The following FOXN2 variants were observed in gnomAD, a reference collection of about 807,000 sequenced individuals.
The protein encoded by FOXN2 is forkhead box protein N2.
A neutral mutation model predicts 41.2 loss-of-function variants in FOXN2; 19 were observed. That is an observed-to-expected ratio of 0.46 (90% confidence interval 0.32 to 0.68). FOXN2 has a LOEUF of 0.68. Ranked by LOEUF, FOXN2 falls within the 30% of genes least tolerant of loss-of-function variation. The pLI is 0.03. For synonymous variants in FOXN2, 195 were observed against 176.8 expected (o/e 1.10, Z -0.82); for missense variants, 587 against 509.4 (o/e 1.15, Z -1.47).
chr2:48,357,712 A>G (rs1030342422), intron 3 of FOXN2, among the ~76,000 whole-genome samples: 1 of 152,078 alleles, frequency 6.6e-6, no homozygotes, highest in African/African-American at 2.4e-5. Context: ...CTAGGATTAC[A>G]GACGTGAGCC....
At chr2:48,354,525 A>T (rs932888708) in intron 3 of FOXN2, among the ~76,000 whole-genome samples, 1 of 152,184 alleles carries the variant, frequency 6.6e-6, no homozygotes, top group Non-Finnish European at 1.5e-5. Context: ...ACTTGAACCC[A>T]GGAGGCAGAG....
rs1673273181 is a variant in FOXN2, at chr2:48,376,680, G to C, written c.*1237G>C. On this transcript the variant is annotated 3_prime_UTR_variant, in exon 7 of 7. Coordinates refer to ENST00000340553, the MANE Select transcript of FOXN2 (RefSeq NM_002158.4). ...ACTAAGTATCTTAACTATTTGAACA[G>C]TCTGCTTATATGAGACAGTTTTTCA... 1.3e-5 allele frequency: 2 copies of C among 152,458 alleles called. 1 individual carries two copies. Among genetic ancestry groups the C allele is most frequent in the African/African-American group, 4.8e-5 (2 of 41,430 alleles). The allele number at this position is 152,458 out of a possible 1,614,324, so 9.4% of individuals were successfully genotyped here.
chr2:48,323,082 C>T (rs1293199528), intron 1 of FOXN2, among the ~76,000 whole-genome samples: 1 of 151,742 alleles, frequency 6.6e-6, no homozygotes, highest in African/African-American at 2.4e-5. Flanking sequence ...GCTTACTTTC[C>T]CCAAAGTGTA....
At position 48,377,639 on chromosome 2, in the gene FOXN2, A is replaced by T. The variant is rs933379882; in HGVS notation, c.*2196A>T. 3 of 152,062 alleles carry T rather than the reference A, an allele frequency of 2.0e-5. No individual in the cohort carries two copies. Among genetic ancestry groups the T allele is most frequent in the Non-Finnish European group, 2.9e-5 (2 of 67,916 alleles). 9.4% of individuals were successfully genotyped at this position (152,062 alleles called of 1,614,324 possible). ...TCCTTTTTATTCACTCTTCCCACGA[A>T]TTTAAATGTTTAAGTTATATTCATC... On this transcript the variant is annotated 3_prime_UTR_variant, in exon 7 of 7. Coordinates refer to ENST00000340553, the MANE Select transcript of FOXN2 (RefSeq NM_002158.4).
intron 3 of FOXN2, among the ~76,000 whole-genome samples, chr2:48,357,822 A>C (rs900348085): frequency 6.7e-6 from 1 of 149,848 alleles, no homozygotes; most frequent in Non-Finnish European, 1.5e-5. Context: ...AAGAAGTTTC[A>C]TTTAATCCAA....
intron 5 of FOXN2, among the ~76,000 whole-genome samples, chr2:48,367,873 G>T (rs534133648): frequency 6.6e-6 from 1 of 151,968 alleles, no homozygotes; most frequent in Non-Finnish European, 1.5e-5. Context: ...ATGGTGTCTC[G>T]CTCTGTCAAC....
At position 48,375,185 on chromosome 2, in the gene FOXN2, A is replaced by C. The variant is rs1391314092; in HGVS notation, c.1038A>C (p.Gly346=). The change falls in exon 7 of 7, where the codon GGA becomes GGC. Residue 346 remains glycine (G), a synonymous_variant. Transcript: ENST00000340553. ...NSHVGSDGSE[G]FHSEEDTDVD... ...ACGTGGGAAGTGATGGCAGTGAAGGATTTCACAGTGAAGAAGATACAGACG... is the reference window on the plus strand; with the variant it reads ...ACGTGGGAAGTGATGGCAGTGAAGGCTTTCACAGTGAAGAAGATACAGACG... 2.5e-6 allele frequency: 4 copies of C among 1,614,042 alleles called. No homozygotes were observed. Among genetic ancestry groups the C allele is most frequent in the African/African-American group, 1.3e-5 (1 of 74,938 alleles).
chr2:48,331,377 G>GA, intron 2 of FOXN2, among the ~76,000 whole-genome samples: 1 of 152,244 alleles, frequency 6.6e-6, no homozygotes, highest in Middle Eastern at 3.4e-3. Context: ...AATTAAAATT[G>GA]AAAATGTAGC....
chr2:48,356,517 A>G (rs1022118332), intron 3 of FOXN2, among the ~76,000 whole-genome samples: 1 of 152,164 alleles, frequency 6.6e-6, no homozygotes, highest in East Asian at 1.9e-4. Context: ...CATTATTACT[A>G]TGAGACTTTA....
chr2:48,369,846 A>T (rs1234785834), intron 5 of FOXN2, among the ~76,000 whole-genome samples: 1 of 152,010 alleles, frequency 6.6e-6, no homozygotes, highest in Non-Finnish European at 1.5e-5. Context: ...AAATAAAAAT[A>T]AAAATGAGCC....
intron 5 of FOXN2, among the ~76,000 whole-genome samples, chr2:48,369,628 G>A (rs1364828658): frequency 6.6e-6 from 1 of 152,060 alleles, no homozygotes; most frequent in Non-Finnish European, 1.5e-5. Flanking sequence ...TTCTGTAATT[G>A]GTTTCTCATT....
At chr2:48,347,585 T>A (rs1671193389) in intron 3 of FOXN2, among the ~76,000 whole-genome samples, 1 of 151,752 alleles carries the variant, frequency 6.6e-6, no homozygotes, top group South Asian at 2.1e-4. Context: ...TTATCTCTAC[T>A]ATTGCCTGAT....
Position 48,375,618 on chromosome 2 carries a change from T to C in FOXN2, c.*175T>C, listed in dbSNP as rs1673204974. 1.0e-5 allele frequency: 6 copies of C among 596,360 alleles called. No homozygotes were observed. In the South Asian group the frequency reaches 1.4e-4, roughly 14 times the overall value. The allele number at this position is 596,360 out of a possible 1,614,324, so 36.9% of individuals were successfully genotyped here. On this transcript the variant is annotated 3_prime_UTR_variant, in exon 7 of 7. Coordinates refer to ENST00000340553, the MANE Select transcript of FOXN2 (RefSeq NM_002158.4). The stretch of plus-strand genomic sequence containing the variant: ...TATTAAACAATTGCTGTTAGGATCA[T>C]GCCTGATCAGAAATACATGATGTGA...
intron 5 of FOXN2, among the ~76,000 whole-genome samples, chr2:48,363,380 TAA>T (rs995775083): frequency 6.6e-6 from 1 of 150,484 alleles, no homozygotes; most frequent in African/African-American, 2.4e-5. Flanking sequence ...TTTAAAAAAT[TAA>T]AAAGTTTATA....
Position 48,375,161 on chromosome 2 carries a change from C to G in FOXN2, c.1014C>G (p.His338Gln). 4.3e-6 allele frequency: 7 copies of G among 1,614,064 alleles called. No homozygotes were observed. The highest frequency in any genetic ancestry group is 5.9e-6 in the Non-Finnish European group (7 of 1,179,990). ...ATGAATTTATCCCAAAGAATAGTCA[C>G]GTGGGAAGTGATGGCAGTGAAGGAT... ...EVYEFIPKNS[H>Q]VGSDGSEGFH... Residue 338 changes from histidine to glutamine, a missense_variant, in exon 7 of 7, where the codon CAC (histidine) becomes CAG (glutamine). Coordinates refer to ENST00000340553, the MANE Select transcript of FOXN2 (RefSeq NM_002158.4).
At chr2:48,336,117 A>G (rs1670331307) in intron 2 of FOXN2, among the ~76,000 whole-genome samples, 1 of 151,522 alleles carries the variant, frequency 6.6e-6, no homozygotes, top group Non-Finnish European at 1.5e-5. Context: ...AGGACTTTTT[A>G]TTGTTGCTTG....
chr2:48,373,444 A>C, intron 6 of FOXN2, 84 bp downstream of exon 6: 1 of 775,470 alleles, frequency 1.3e-6, no homozygotes, highest in Non-Finnish European at 2.1e-6. Context: ...TTACAGACAA[A>C]AATTACTTCT....
intron 1 of FOXN2, among the ~76,000 whole-genome samples, chr2:48,315,650 G>C (rs2104006416): frequency 6.6e-6 from 1 of 152,306 alleles, no homozygotes; most frequent in African/African-American, 2.4e-5. Flanking sequence ...GTGGAACCCG[G>C]CAGGACGGTG....
intron 2 of FOXN2, among the ~76,000 whole-genome samples, chr2:48,340,082 G>A (rs1300418997): frequency 2.6e-5 from 4 of 152,254 alleles, no homozygotes; most frequent in African/African-American, 9.6e-5. Flanking sequence ...TCTGGGAAAA[G>A]TATAAAGAAA....
Sources: allele counts gnomAD v4.1 joint callset (sites outside exome capture counted in the v4.1 genomes callset), GRCh38; gene constraint gnomAD v4.1.1; transcripts MANE v1.5; gene names NCBI Gene and HGNC (gene_info 2026-07-23, HGNC 2026-07-21).